Variants in C1orf185 observed in about 807,000 individuals in gnomAD.
C1orf185 encodes uncharacterized protein C1orf185.
Under a neutral mutation model 16.1 loss-of-function variants are expected in C1orf185, and 13 were observed. The ratio of observed to expected loss-of-function variants is 0.81; its 90% CI spans 0.53 to 1.28. The LOEUF (loss-of-function observed/expected upper bound fraction) is 1.28. C1orf185 is among the 50% of genes most tolerant of loss of function. C1orf185 has a pLI of 0.00. For missense variants in C1orf185, 220 were observed against 225.2 expected, an observed-to-expected ratio of 0.98 and a Z score of 0.15; for synonymous variants, 80 against 76.9, an observed-to-expected ratio of 1.04 and a Z score of -0.21.
At position 51,147,860 on chromosome 1, in the gene C1orf185, CT is replaced by C. The variant is rs1359275110; in HGVS notation, c.*95del. 8.3e-7 allele frequency: 1 copy of C among 1,202,676 alleles called. No individual in the cohort carries two copies. The highest frequency in any genetic ancestry group is 1.1e-6 in the Non-Finnish European group (1 of 895,112). 74.5% of individuals were successfully genotyped at this position (1,202,676 alleles called of 1,614,324 possible). Reference sequence around the variant, plus strand: ...AAACCTTCAACATAATACTGAATGACTTTTTTCTTTTGAAACCTTGTATACA... The same window carrying C: ...AAACCTTCAACATAATACTGAATGACTTTTTCTTTTGAAACCTTGTATACA... On this transcript the variant is annotated 3_prime_UTR_variant, in exon 5 of 5. Transcript: ENST00000371759.
rs777736480 is a variant in C1orf185 at position 51,147,554 on chromosome 1, G to A, written c.383G>A (p.Arg128His). Residue 128 changes from arginine (R) to histidine (H), a missense_variant, in exon 5 of 5, where the codon CGC becomes CAC. Transcript: ENST00000371759. ...TCAGAGACCAGCTCCACAACAAATC[G>A]CAGCAGTGTTACATTAAGCTTATCA... ...DPSETSSTTN[R>H]SSVTLSLSTL... The A allele has an allele frequency of 7.7e-6, 12 of 1,551,262 alleles. No individual in the cohort carries two copies. The highest frequency in any genetic ancestry group is 4.1e-5 in the African/African-American group (3 of 72,990).
chr1:51,113,637 A>G (rs1646139005), intron 2 of C1orf185, among the ~76,000 whole-genome samples: 1 of 152,186 alleles, frequency 6.6e-6, no homozygotes, highest in African/African-American at 2.4e-5. Context: ...GTGAGCCGAG[A>G]TTGTGCCATT....
At position 51,147,913 on chromosome 1, in the gene C1orf185, C is replaced by G. The variant is rs1646411937; in HGVS notation, c.*142C>G. 2.7e-6 allele frequency: 2 copies of G among 731,452 alleles called. No homozygotes were observed. Among genetic ancestry groups the G allele is most frequent in the Non-Finnish European group, 4.2e-6 (2 of 479,190 alleles). The allele number at this position is 731,452 out of a possible 1,614,324, so 45.3% of individuals were successfully genotyped here. Reference sequence around the variant, plus strand: ...TCAGCTTCTGAGTCTCTTAACATGTCCATGCTAATATTGCTTTTTTTGTTC... The same window carrying G: ...TCAGCTTCTGAGTCTCTTAACATGTGCATGCTAATATTGCTTTTTTTGTTC... On this transcript the variant is annotated 3_prime_UTR_variant, in exon 5 of 5. Coordinates refer to ENST00000371759, the MANE Select transcript of C1orf185 (RefSeq NM_001136508.2).
At chr1:51,146,328 G>A (rs889128383) in intron 4 of C1orf185, among the ~76,000 whole-genome samples, 2 of 151,756 alleles carry the variant, frequency 1.3e-5, no homozygotes, top group South Asian at 2.1e-4. Flanking sequence ...ATGTGGTGGC[G>A]CAGGCCTGTA....
chr1:51,116,845 C>G (rs540750761), intron 2 of C1orf185, among the ~76,000 whole-genome samples: 1 of 152,132 alleles, frequency 6.6e-6, no homozygotes, highest in African/African-American at 2.4e-5. Context: ...TCACATGTCC[C>G]CTCTTCCACC....
intron 3 of C1orf185, among the ~76,000 whole-genome samples, chr1:51,128,552 G>A (rs1017541912): frequency 6.6e-6 from 1 of 151,966 alleles, no homozygotes; most frequent in Non-Finnish European, 1.5e-5. Context: ...AATTAGCCAG[G>A]TGTGGTGGTG....
chr1:51,120,308 C>A (rs565551682), intron 3 of C1orf185, among the ~76,000 whole-genome samples: 93 of 152,232 alleles, frequency 6.1e-4, no homozygotes, highest in African/African-American at 2.0e-3. Context: ...TCTGTAGAGC[C>A]AGATTACAGA....
intron 3 of C1orf185, among the ~76,000 whole-genome samples, chr1:51,128,799 G>C (rs1463241645): frequency 6.6e-6 from 1 of 152,158 alleles, no homozygotes; most frequent in East Asian, 1.9e-4. Flanking sequence ...TTGTGTGTGT[G>C]ACCTGCTTGT....
rs1646393990 is a variant in C1orf185, at chr1:51,145,669, A to G, written c.259-55A>G. The G allele has an allele frequency of 3.1e-6, 3 of 960,700 alleles. No homozygotes were observed. The South Asian group carries it at 5.5e-5, about 18-fold the overall frequency. 59.5% of individuals were successfully genotyped at this position (960,700 alleles called of 1,614,324 possible). The stretch of plus-strand genomic sequence containing the variant: ...TACTCTCATATAAAATATATGAAAG[A>G]AGTTATATAAAAATTATTCTGATTT... On this transcript the variant is annotated intron_variant, in intron 3 of 4. Coordinates refer to ENST00000371759, the MANE Select transcript of C1orf185 (RefSeq NM_001136508.2).
intron 3 of C1orf185, among the ~76,000 whole-genome samples, chr1:51,136,811 G>T (rs1646328652): frequency 6.6e-6 from 1 of 152,114 alleles, no homozygotes; most frequent in Non-Finnish European, 1.5e-5. Context: ...AACCCTGGAA[G>T]ACCACCTAGG....
intron 2 of C1orf185, among the ~76,000 whole-genome samples, chr1:51,117,859 T>C (rs998980850): frequency 1.3e-5 from 2 of 152,228 alleles, no homozygotes; most frequent in African/African-American, 4.8e-5. Flanking sequence ...TGTGGTTGCA[T>C]GGATAAGAAA....
intron 2 of C1orf185, among the ~76,000 whole-genome samples, chr1:51,113,177 T>C (rs1646135034): frequency 6.6e-6 from 1 of 151,928 alleles, no homozygotes; most frequent in African/African-American, 2.4e-5. Context: ...TTTTTAAAAA[T>C]TGACTCCCAA....
chr1:51,126,174 C>T (rs895733579), intron 3 of C1orf185, among the ~76,000 whole-genome samples: 35 of 152,204 alleles, frequency 2.3e-4, no homozygotes, highest in African/African-American at 8.0e-4. Context: ...TGGGGGCCCA[C>T]TGCAACTGAG....
intron 3 of C1orf185, among the ~76,000 whole-genome samples, chr1:51,138,160 G>A (rs1474476553): frequency 6.6e-6 from 1 of 151,946 alleles, no homozygotes; most frequent in Non-Finnish European, 1.5e-5. Flanking sequence ...CAAGACACAG[G>A]TTTACCTGTG....
chr1:51,123,187 A>G (rs1401353446), intron 3 of C1orf185, among the ~76,000 whole-genome samples: 1 of 152,156 alleles, frequency 6.6e-6, no homozygotes, highest in Non-Finnish European at 1.5e-5. Context: ...TCCTGTGATA[A>G]CCCATTAATC....
At chr1:51,149,952 T>C (rs1353837838), downstream of C1orf185, among the ~76,000 whole-genome samples, 4 of 152,162 alleles carry the variant, frequency 2.6e-5, no homozygotes, top group African/African-American at 9.6e-5. Flanking sequence ...CAAGATTTGA[T>C]TTGTATTAAT....
intron 3 of C1orf185, among the ~76,000 whole-genome samples, chr1:51,139,810 C>T (rs1570319563): frequency 6.6e-6 from 1 of 152,236 alleles, no homozygotes; most frequent in East Asian, 1.9e-4. Flanking sequence ...TGCTTTATAA[C>T]AACAAAGGTT....
chr1:51,126,773 T>C (rs1162653613), intron 3 of C1orf185, among the ~76,000 whole-genome samples: 1 of 152,234 alleles, frequency 6.6e-6, no homozygotes, highest in Non-Finnish European at 1.5e-5. Context: ...TATTATTAAC[T>C]AAACTCCAGA....
chr1:51,113,205 A>ATT (rs1014950822), intron 2 of C1orf185, among the ~76,000 whole-genome samples: 5 of 152,106 alleles, frequency 3.3e-5, no homozygotes, highest in Admixed American at 1.3e-4. Context: ...GATTGAAAAC[A>ATT]TTATAGAAAA....
Sources: gnomAD v4.1 joint callset for allele counts (sites outside exome capture counted in the v4.1 genomes callset) on GRCh38, gnomAD v4.1.1 for gene constraint, MANE v1.5 for transcripts, NCBI Gene and HGNC (gene_info 2026-07-23, HGNC 2026-07-21) for gene names.